Variants in TTBK2 observed in about 807,000 individuals in gnomAD.
The protein encoded by TTBK2 is tau-tubulin kinase 2.
Under a neutral mutation model 110.8 loss-of-function variants are expected in TTBK2, and 28 were observed. The observed-to-expected ratio is 0.25, with a 90% CI of 0.19 to 0.35. The LOEUF (loss-of-function observed/expected upper bound fraction) is 0.35. Among genes scored for constraint, TTBK2 ranks in the 10% least tolerant of loss-of-function variants. The probability of loss-of-function intolerance (pLI) is 1.00; values close to 1 mark genes in which losing one functional copy is unlikely to be tolerated. For synonymous variants in TTBK2, 532 were observed against 527.3 expected (o/e 1.01, Z -0.12); for missense variants, 1,369 against 1,500.3 (o/e 0.91, Z 1.45).
intron 3 of TTBK2, among the ~76,000 whole-genome samples, chr15:42,848,738 C>A (rs1893573812): frequency 6.6e-6 from 1 of 152,208 alleles, no homozygotes; most frequent in Non-Finnish European, 1.5e-5. Flanking sequence ...GATCCGCCCA[C>A]CTAAGCCTCC....
At chr15:42,911,961 T>C (rs2030778858) in intron 1 of TTBK2, among the ~76,000 whole-genome samples, 1 of 149,738 alleles carries the variant, frequency 6.7e-6, no homozygotes, top group Non-Finnish European at 1.5e-5. Flanking sequence ...ATGAGTTAAA[T>C]ACACACACAC....
chr15:42,884,736 C>T (rs990293485), intron 1 of TTBK2, among the ~76,000 whole-genome samples: 4 of 152,272 alleles, frequency 2.6e-5, no homozygotes, highest in African/African-American at 9.6e-5. Context: ...AACACAAAAG[C>T]ACAAGTTTTG....
At chr15:42,826,471 A>G (rs2140976018) in intron 6 of TTBK2, among the ~76,000 whole-genome samples, 1 of 152,290 alleles carries the variant, frequency 6.6e-6, no homozygotes, top group East Asian at 1.9e-4. Context: ...GCCTCTGTAC[A>G]TGTTTTATGG....
At chr15:42,801,381 G>C in intron 9 of TTBK2, 1 of 1,357,454 alleles carries the variant, frequency 7.4e-7, no homozygotes, top group Non-Finnish European at 1.1e-6. Context: ...ATCCTTAATG[G>C]CTAGCTCCCC....
chr15:42,776,518 C>T (rs189515235), intron 12 of TTBK2, among the ~76,000 whole-genome samples: 182 of 152,292 alleles, frequency 1.2e-3, no homozygotes, highest in Non-Finnish European at 1.9e-3. Context: ...TGCAAACTCT[C>T]GAGGGCAAGC....
chr15:42,915,493 G>C (rs1443497514), intron 1 of TTBK2, among the ~76,000 whole-genome samples: 1 of 152,150 alleles, frequency 6.6e-6, no homozygotes, highest in African/African-American at 2.4e-5. Context: ...CTTTATCACA[G>C]CCATGTATGT....
At chr15:42,762,833 G>A (rs1442670986) in intron 13 of TTBK2, among the ~76,000 whole-genome samples, 2 of 151,842 alleles carry the variant, frequency 1.3e-5, no homozygotes, top group Non-Finnish European at 2.9e-5. Flanking sequence ...GGCACTGGAG[G>A]CTGTTATGTT....
chr15:42,781,707 C>T (rs886132851), intron 11 of TTBK2, among the ~76,000 whole-genome samples: 6 of 152,012 alleles, frequency 3.9e-5, no homozygotes, highest in South Asian at 2.1e-4. Flanking sequence ...CTTTATGTCA[C>T]TGATTACTAG....
chr15:42,899,653 T>C lies in TTBK2; in HGVS notation c.-68+20785A>G, dbSNP rs576984769. Among the ~76,000 whole-genome samples the C allele has an allele frequency of 1.5e-4, 23 of 152,136 alleles. 1 individual carries two copies. Among genetic ancestry groups the C allele is most frequent in the Non-Finnish European group, 7.4e-5 (5 of 67,988 alleles). On this transcript the variant is annotated intron_variant, in intron 1 of 14. Transcript: ENST00000267890. ...TACCTGGGAGGCTGAGGCAGGGGAA[T>C]CACTTGAACCCAGGAGGCGGAGGTT...
chr15:42,801,111 A>G, intron 9 of TTBK2: 1 of 868,034 alleles, frequency 1.2e-6, no homozygotes, highest in Non-Finnish European at 2.0e-6. Flanking sequence ...GCCGTAGCTG[A>G]GGCCAGGGCT....
At chr15:42,777,685 A>G (rs1387667513) in intron 11 of TTBK2, among the ~76,000 whole-genome samples, 2 of 152,178 alleles carry the variant, frequency 1.3e-5, no homozygotes, top group Non-Finnish European at 1.5e-5. Flanking sequence ...AAAACAAAAA[A>G]CAACAAAAAG....
rs187837280 is a variant in TTBK2, at chr15:42,847,995, T to G, written c.218-7562A>C. ...CGAGCAGCGGGGGACTACAGACATG[T>G]ACAACCATGTTGAGTTTATTTTTTT... On this transcript the variant is annotated intron_variant, in intron 3 of 14. Transcript: ENST00000267890. 9.9e-5 allele frequency among the ~76,000 whole-genome samples: 15 copies of G among 152,284 alleles called. No homozygotes were observed. In the East Asian group the frequency reaches 2.9e-3, roughly 29 times the overall value.
chr15:42,881,021 C>A (rs1895019015), intron 1 of TTBK2, among the ~76,000 whole-genome samples: 1 of 152,020 alleles, frequency 6.6e-6, no homozygotes, highest in Non-Finnish European at 1.5e-5. Context: ...GTGGCTCATA[C>A]CTGTAATCCC....
chr15:42,840,918 T>C (rs1432271235), intron 3 of TTBK2, among the ~76,000 whole-genome samples: 1 of 152,148 alleles, frequency 6.6e-6, no homozygotes, highest in Non-Finnish European at 1.5e-5. Flanking sequence ...CTGAGTTCCA[T>C]CTGAGAAACC....
rs1595898962 is a variant in TTBK2, at chr15:42,777,169, A to G, written c.1271T>C (p.Ile424Thr). Residue 424 changes from isoleucine to threonine, a missense_variant, in exon 12 of 15, where the codon ATT becomes ACT. Transcript: ENST00000267890. ...CTGAGTAATCTCTGAGCGGACACGA[A>G]TTGGTGACCCAAGGCTTGGAGCATT... is the stretch of plus-strand genomic sequence containing the variant. ...LLNAPSLGSP[I>T]RVRSEITQPD... The G allele has an allele frequency of 1.2e-6, 2 of 1,614,202 alleles. No individual in the cohort carries two copies. Among genetic ancestry groups the G allele is most frequent in the Non-Finnish European group, 1.7e-6 (2 of 1,180,040 alleles).
At position 42,744,500 on chromosome 15, in the gene TTBK2, AAAC is replaced by A. The variant is rs1283838400; in HGVS notation, c.*1292_*1294del. 6.6e-6 allele frequency: 1 copy of A among 152,178 alleles called. No homozygotes were observed. The highest frequency in any genetic ancestry group is 1.5e-5 in the Non-Finnish European group (1 of 68,018). 9.4% of individuals were successfully genotyped at this position (152,178 alleles called of 1,614,324 possible). A position where few individuals can be genotyped will look rare whatever the true frequency, so the allele number is the denominator to read the frequency against. On this transcript the variant is annotated 3_prime_UTR_variant, in exon 15 of 15. Coordinates refer to ENST00000267890, the MANE Select transcript of TTBK2 (RefSeq NM_173500.4). ...AACACAAAACACCTAGAGAGTATAA[AAAC>A]AGCCCATTTTAAAAGTCTGGTAGAC...
intron 3 of TTBK2, among the ~76,000 whole-genome samples, chr15:42,841,694 G>A (rs1412515818): frequency 6.6e-6 from 1 of 152,112 alleles, no homozygotes; most frequent in Non-Finnish European, 1.5e-5. Context: ...CACTCTGGGG[G>A]ATAGTTACAA....
At chr15:42,846,922 C>T (rs1279240166) in intron 3 of TTBK2, among the ~76,000 whole-genome samples, 1 of 152,152 alleles carries the variant, frequency 6.6e-6, no homozygotes, top group Non-Finnish European at 1.5e-5. Flanking sequence ...GGGTGGCCTA[C>T]CCAGAGAGGG....
chr15:42,801,557 T>C (rs1891204391), intron 9 of TTBK2: 1 of 766,884 alleles, frequency 1.3e-6, no homozygotes. Context: ...CAGCTCCTTA[T>C]ACTTGATCTA....
Sources: gnomAD v4.1 joint callset for allele counts (sites outside exome capture counted in the v4.1 genomes callset) on GRCh38, gnomAD v4.1.1 for gene constraint, MANE v1.5 for transcripts, NCBI Gene and HGNC (gene_info 2026-07-23, HGNC 2026-07-21) for gene names.